Variants in USP44 observed in about 807,000 individuals in gnomAD.
USP44 encodes ubiquitin carboxyl-terminal hydrolase 44.
USP44 carries 61 observed loss-of-function variants against 69.0 expected under a neutral mutation model. The ratio of observed to expected loss-of-function variants is 0.88; its 90% CI spans 0.72 to 1.09. The LOEUF is 1.09. USP44 is among the 50% of genes least tolerant of loss of function. The pLI is 0.00. For missense variants in USP44, 753 were observed against 849.9 expected (o/e 0.89, Z 1.42); for synonymous variants, 297 against 295.4 (o/e 1.01, Z -0.06).
intron 3 of USP44, 67 bp from the exon 4 acceptor site, chr12:95,524,855 C>T (rs544684538): frequency 1.4e-6 from 2 of 1,381,488 alleles, no homozygotes; most frequent in East Asian, 2.3e-5. Context: ...CTGAGTGAAC[C>T]TTCTTTTTAA....
chr12:95,525,564 C>T (rs2076809370), intron 3 of USP44, among the ~76,000 whole-genome samples: 1 of 152,238 alleles, frequency 6.6e-6, no homozygotes, highest in Admixed American at 6.5e-5. Context: ...AGAGGAAGGT[C>T]CTGATTGCCC....
Position 95,524,457 on chromosome 12 carries a change from C to T in USP44, c.1733+223G>A, listed in dbSNP as rs111636551. The T allele has an allele frequency of 1.3e-3, 402 of 315,550 alleles. 1 individual carries two copies. Among genetic ancestry groups the T allele is most frequent in the African/African-American group, 7.3e-3 (326 of 44,740 alleles). The allele number at this position is 315,550 out of a possible 1,614,324, so 19.5% of individuals were successfully genotyped here. A position where few individuals can be genotyped will look rare whatever the true frequency, so the allele number is the denominator to read the frequency against. ...GACCAGCCTGGGCAACATGGTAAAA[C>T]CCTATCGCCAGCCTAGGTGACAGAG... On this transcript the variant is annotated intron_variant, in intron 4 of 5. Coordinates refer to ENST00000258499, the MANE Select transcript of USP44 (RefSeq NM_032147.5).
intron 1 of USP44, among the ~76,000 whole-genome samples, chr12:95,546,267 A>AAAAAAT (rs1361778478): frequency 2.2e-4 from 33 of 152,234 alleles, no homozygotes; most frequent in African/African-American, 8.0e-4. Flanking sequence ...TAAAATGCCT[A>AAAAAAT]GACTCTGTCA....
At chr12:95,541,235 C>T (rs1051230194) in intron 1 of USP44, among the ~76,000 whole-genome samples, 3 of 152,154 alleles carry the variant, frequency 2.0e-5, no homozygotes, top group African/African-American at 7.2e-5. Context: ...GAGATGGCGC[C>T]ACTACACTCC....
chr12:95,519,934 G>A (rs1288206172), intron 5 of USP44, among the ~76,000 whole-genome samples: 2 of 146,642 alleles, frequency 1.4e-5, no homozygotes, highest in African/African-American at 5.0e-5. Flanking sequence ...CAGCTACTTG[G>A]GAGGCGGAGG....
intron 2 of USP44, among the ~76,000 whole-genome samples, chr12:95,529,356 G>T (rs2076949808): frequency 6.6e-6 from 1 of 151,426 alleles, no homozygotes; most frequent in Admixed American, 6.6e-5. Flanking sequence ...ATATACATAT[G>T]ATGTACATTC....
At position 95,521,050 on chromosome 12, in the gene USP44, C is replaced by T. The variant is rs753027684; in HGVS notation, c.1886G>A (p.Gly629Glu). The T allele has an allele frequency of 1.9e-6, 3 of 1,614,172 alleles. No individual in the cohort carries two copies. Among genetic ancestry groups the T allele is most frequent in the Non-Finnish European group, 2.5e-6 (3 of 1,180,038 alleles). ...GTAGTGCCCTGAGCCAAATCCTTTCCCATGGTGCATCACCACCGCGGACAA... is the reference window on the plus strand; with the variant it reads ...GTAGTGCCCTGAGCCAAATCCTTTCTCATGGTGCATCACCACCGCGGACAA... ...YDLSAVVMHH[G>E]KGFGSGHYTA... The change falls in exon 5 of 6, where the codon GGG becomes GAG. Residue 629 changes from glycine to glutamate, a missense_variant. Transcript: ENST00000258499.
chr12:95,517,976 G>T lies in USP44; in HGVS notation c.*178C>A. On this transcript the variant is annotated 3_prime_UTR_variant, in exon 6 of 6. Coordinates refer to ENST00000258499, the MANE Select transcript of USP44 (RefSeq NM_032147.5). ...GTTTAAAACTCCAAATATGAAAAAA[G>T]TAGTTACCTTCAGTTGATATATACA... 3.7e-6 allele frequency: 2 copies of T among 546,050 alleles called. No homozygotes were observed. The highest frequency in any genetic ancestry group is 6.0e-6 in the Non-Finnish European group (2 of 331,858). The allele number at this position is 546,050 out of a possible 1,614,324, so 33.8% of individuals were successfully genotyped here.
intron 2 of USP44, among the ~76,000 whole-genome samples, 182 bp from the exon 3 acceptor site, chr12:95,529,184 T>C (rs746279403): frequency 3.9e-5 from 6 of 152,138 alleles, no homozygotes; most frequent in African/African-American, 7.2e-5. Context: ...TTCCAAAAGA[T>C]TGTTATCAGA....
In USP44 at chr12:95,524,769, G is replaced by A; in HGVS notation, c.1644C>T (p.Ser548=). The change falls in exon 4 of 6, where the codon TCC becomes TCT. Residue 548 remains serine, a synonymous_variant. Coordinates refer to ENST00000258499, the MANE Select transcript of USP44 (RefSeq NM_032147.5). ...CTTCTGTGAGTACAACTGGTTTGGA[G>A]GAAAACCTTCTACGCTTTGCTGTAA... ...DQCNSKRRRF[S]SKPVVLTEAQ... is the part of the protein sequence containing the mutation. The A allele has an allele frequency of 1.2e-6, 2 of 1,608,794 alleles. No individual in the cohort carries two copies. Among genetic ancestry groups the A allele is most frequent in the Non-Finnish European group, 1.7e-6 (2 of 1,178,512 alleles).
chr12:95,517,773 T>C lies in USP44; in HGVS notation c.*381A>G. 5.8e-6 allele frequency: 1 copy of C among 172,512 alleles called. No individual in the cohort carries two copies. The allele number at this position is 172,512 out of a possible 1,614,324, so 10.7% of individuals were successfully genotyped here. On this transcript the variant is annotated 3_prime_UTR_variant, in exon 6 of 6. Coordinates refer to ENST00000258499, the MANE Select transcript of USP44 (RefSeq NM_032147.5). ...AATGAAAGACTATTAGTGACCAAAGTAGAGTCTAATTTTCCATCTATTAAG... is the reference window on the plus strand; with the variant it reads ...AATGAAAGACTATTAGTGACCAAAGCAGAGTCTAATTTTCCATCTATTAAG...
intron 5 of USP44, among the ~76,000 whole-genome samples, chr12:95,520,610 G>A (rs1335487760): frequency 6.6e-6 from 1 of 152,100 alleles, no homozygotes; most frequent in Non-Finnish European, 1.5e-5. Flanking sequence ...AAACTTGAAC[G>A]CAGTGTTTGT....
intron 1 of USP44, among the ~76,000 whole-genome samples, chr12:95,537,297 G>GC (rs762803309): frequency 6.6e-6 from 1 of 151,880 alleles, no homozygotes. Context: ...CATGTTTCTG[G>GC]CAAACCATAG....
At position 95,533,974 on chromosome 12, in the gene USP44, G is replaced by C. The variant is rs768611299; in HGVS notation, c.283C>G (p.Leu95Val). Residue 95 changes from leucine (L) to valine (V), a missense_variant, in exon 2 of 6, where the codon CTG becomes GTG. Leu to Val is a conservative substitution (Grantham distance 32). Coordinates refer to ENST00000258499, the MANE Select transcript of USP44 (RefSeq NM_032147.5). ...CTTAATGTACGTCGTAGTAACTTCA[G>C]GTCTCCAGTTGTGTTATCATTCAGA... ...YVLNDNTTGD[L>V]KLLRRTLSAI... 17 of 1,613,966 alleles carry C rather than the reference G, an allele frequency of 1.1e-5. No homozygotes were observed. In the South Asian group the frequency reaches 1.9e-4, roughly 18 times the overall value.
At chr12:95,526,861 T>G (rs1217394913) in intron 3 of USP44, among the ~76,000 whole-genome samples, 1 of 152,172 alleles carries the variant, frequency 6.6e-6, no homozygotes, top group Non-Finnish European at 1.5e-5. Flanking sequence ...ACACTATATG[T>G]TTATATAGTA....
Position 95,521,022 on chromosome 12 carries a change from A to C in USP44, c.1914T>G (p.Thr638=), listed in dbSNP as rs2076642720. 6.2e-7 allele frequency: 1 copy of C among 1,614,224 alleles called. No individual in the cohort carries two copies. The highest frequency in any genetic ancestry group is 1.1e-5 in the South Asian group (1 of 91,088). ...HGKGFGSGHY[T]AYCYNSEGGF... Reference sequence around the variant, plus strand: ...CTCCTTCAGAATTATAGCAGTAGGCAGTGTAGTGCCCTGAGCCAAATCCTT... The same window carrying C: ...CTCCTTCAGAATTATAGCAGTAGGCCGTGTAGTGCCCTGAGCCAAATCCTT... The change falls in exon 5 of 6, where the codon ACT becomes ACG. Residue 638 remains threonine (T), a synonymous_variant. Coordinates refer to ENST00000258499, the MANE Select transcript of USP44 (RefSeq NM_032147.5).
At position 95,532,948 on chromosome 12, in the gene USP44, G is replaced by A. The variant is rs759114306; in HGVS notation, c.1309C>T (p.Arg437Cys). ...FLCELLDKIQ[R>C]ELETTGTSLP... Reference sequence around the variant, plus strand: ...CTGGTACCAGTTGTCTCTAATTCACGTTGTATTTTATCTAAAAGTTCACAA... The same window carrying A: ...CTGGTACCAGTTGTCTCTAATTCACATTGTATTTTATCTAAAAGTTCACAA... The change falls in exon 2 of 6, where the codon CGT becomes TGT. Residue 437 changes from arginine to cysteine, a missense_variant. Arg to Cys is a radical substitution (Grantham distance 180). Transcript: ENST00000258499. 44 of 1,614,044 alleles carry A rather than the reference G, an allele frequency of 2.7e-5. No homozygotes were observed. Among genetic ancestry groups the A allele is most frequent in the Middle Eastern group, 1.6e-4 (1 of 6,084 alleles).
intron 3 of USP44, 128 bp from the exon 4 acceptor site, chr12:95,524,916 T>A: frequency 1.2e-6 from 1 of 817,288 alleles, no homozygotes; most frequent in Non-Finnish European, 1.8e-6. Flanking sequence ...TGTACTGTGC[T>A]AGAGATAGAC....
At chr12:95,521,437 G>A (rs935730517) in intron 4 of USP44, among the ~76,000 whole-genome samples, 6 of 152,212 alleles carry the variant, frequency 3.9e-5, no homozygotes, top group Non-Finnish European at 8.8e-5. Flanking sequence ...GGAAAGTATT[G>A]CCTTATGGGG....
Sources: allele counts gnomAD v4.1 joint callset (sites outside exome capture counted in the v4.1 genomes callset), GRCh38; gene constraint gnomAD v4.1.1; transcripts MANE v1.5; gene names NCBI Gene and HGNC (gene_info 2026-07-23, HGNC 2026-07-21).